PARP16: variants seen among roughly 807,000 people sequenced by gnomAD.
PARP16 encodes the protein protein mono-ADP-ribosyltransferase PARP16.
Under a neutral mutation model 35.0 loss-of-function variants are expected in PARP16, and 31 were observed. The observed-to-expected ratio is 0.88, with a 90% CI of 0.66 to 1.19. The LOEUF (loss-of-function observed/expected upper bound fraction) is 1.19. Among genes scored for constraint, PARP16 ranks in the 50% most tolerant of loss-of-function variants. The pLI is 0.00. For synonymous variants in PARP16, 162 were observed against 169.5 expected, an observed-to-expected ratio of 0.96 and a Z score of 0.34; for missense variants, 424 against 411.2, an observed-to-expected ratio of 1.03 and a Z score of -0.27.
Position 65,286,392 on chromosome 15 carries a change from G to T in PARP16, c.35C>A (p.Ala12Glu). 1 of 1,553,554 alleles carries T rather than the reference G, an allele frequency of 6.4e-7. No homozygotes were observed. Among genetic ancestry groups the T allele is most frequent in the Non-Finnish European group, 8.7e-7 (1 of 1,153,628 alleles). The change falls in exon 1 of 6, where the codon GCG (alanine) becomes GAG (glutamate). Residue 12 changes from alanine (A) to glutamate (E), a missense_variant. Transcript: ENST00000649807. The stretch of plus-strand genomic sequence containing the variant: ...GGCGGCCAGCATGTCGCGGCCCGCC[G>T]CCTCCCTGGCGGCCGCCCAGCCTGA... Reference protein sequence around the residue: ...QPSGWAAAREAAGRDMLAADL... With the variant: ...QPSGWAAAREEAGRDMLAADL...
In PARP16 at chr15:65,267,594, G is replaced by A. The variant is rs1261446767; in HGVS notation, c.313-826C>T. Reference sequence around the variant, plus strand: ...TGCACTCCAGCCTGGGCGACAGAGCGAGACTCCGTCTCAAAAAATAAATAA... The same window carrying A: ...TGCACTCCAGCCTGGGCGACAGAGCAAGACTCCGTCTCAAAAAATAAATAA... On this transcript the variant is annotated intron_variant, in intron 2 of 5. Transcript: ENST00000649807. Among the ~76,000 whole-genome samples, 14 of 139,932 alleles carry A rather than the reference G, an allele frequency of 1.0e-4. No homozygotes were observed. In the South Asian group the frequency reaches 2.4e-3, roughly 24 times the overall value. The allele number at this position is 139,932 out of a possible 152,430, so 91.8% of individuals were successfully genotyped here.
intron 3 of PARP16, among the ~76,000 whole-genome samples, chr15:65,235,524 C>A (rs2088852908): frequency 6.6e-6 from 1 of 151,502 alleles, no homozygotes. Flanking sequence ...AATTTGCCGG[C>A]CAGGCATGGT....
exon 3 of PARP16, chr15:65,248,170 T>C (rs1200782037): frequency 4.4e-6 from 2 of 456,328 alleles, no homozygotes; most frequent in Non-Finnish European, 8.8e-6. Context: ...GGCCCACCCT[T>C]TAGATGGCCA....
chr15:65,240,502 C>T (rs1011188442), intron 3 of PARP16, among the ~76,000 whole-genome samples: 1 of 152,064 alleles, frequency 6.6e-6, no homozygotes. Flanking sequence ...AAAGTACAGG[C>T]GCAAGCTGCT....
chr15:65,265,870 T>G (rs922617367), intron 3 of PARP16, among the ~76,000 whole-genome samples: 2 of 152,206 alleles, frequency 1.3e-5, no homozygotes, highest in Non-Finnish European at 2.9e-5. Context: ...CACTCGGAGA[T>G]TCTCATTTAA....
intron 3 of PARP16, among the ~76,000 whole-genome samples, chr15:65,243,693 T>C (rs1275191039): frequency 6.6e-6 from 1 of 152,020 alleles, no homozygotes. Flanking sequence ...TAGAGTTCAC[T>C]AGTGAAGGCA....
rs2089617030 is a variant in PARP16, at chr15:65,259,236, GC to G, written c.*170del. 1.5e-6 allele frequency: 1 copy of G among 676,990 alleles called. No homozygotes were observed. Among genetic ancestry groups the G allele is most frequent in the African/African-American group, 1.8e-5 (1 of 55,956 alleles). 41.9% of individuals were successfully genotyped at this position (676,990 alleles called of 1,614,324 possible). A position where few individuals can be genotyped will look rare whatever the true frequency, so the allele number is the denominator to read the frequency against. On this transcript the variant is annotated 3_prime_UTR_variant, in exon 6 of 6. Transcript: ENST00000649807. ...AGTAGTCCCCGTTGACTGGAGTATG[GC>G]TGGGAACATCATCAAAGGCAATGGA... is the stretch of plus-strand genomic sequence containing the variant.
At chr15:65,233,528 C>CAGG (rs2088809176), downstream of PARP16, among the ~76,000 whole-genome samples, 1 of 152,096 alleles carries the variant, frequency 6.6e-6, no homozygotes, top group Non-Finnish European at 1.5e-5. Flanking sequence ...CACTTGAGGC[C>CAGG]AGTTCGAGAC....
downstream of PARP16, among the ~76,000 whole-genome samples, chr15:65,253,426 G>A (rs895397489): frequency 1.1e-4 from 17 of 150,900 alleles, no homozygotes; most frequent in Non-Finnish European, 2.2e-4. Flanking sequence ...CGCCTCCCGG[G>A]TTCACGCCAT....
At chr15:65,249,137 G>C (rs1346519972) in intron 2 of PARP16, among the ~76,000 whole-genome samples, 2 of 152,244 alleles carry the variant, frequency 1.3e-5, no homozygotes, top group East Asian at 3.8e-4. Flanking sequence ...CTCTTGCTCA[G>C]AGCCCCTAGC....
At chr15:65,272,489 A>C (rs2090125677) in intron 1 of PARP16, among the ~76,000 whole-genome samples, 1 of 152,108 alleles carries the variant, frequency 6.6e-6, no homozygotes, top group Non-Finnish European at 1.5e-5. Context: ...CCTCTAGCCT[A>C]ATCTCAACCC....
intron 3 of PARP16, among the ~76,000 whole-genome samples, chr15:65,265,289 T>A (rs1452952564): frequency 6.6e-6 from 1 of 152,236 alleles, no homozygotes; most frequent in Non-Finnish European, 1.5e-5. Context: ...TCCTTGGTAC[T>A]TAGTACACAA....
At chr15:65,238,731 G>T (rs1217058861) in intron 3 of PARP16, among the ~76,000 whole-genome samples, 1 of 152,138 alleles carries the variant, frequency 6.6e-6, no homozygotes, top group East Asian at 1.9e-4. Flanking sequence ...GCAGTTTTTT[G>T]AATACCTTTA....
intron 2 of PARP16, among the ~76,000 whole-genome samples, chr15:65,269,207 T>TC (rs71136333): frequency 1.5e-3 from 234 of 150,972 alleles, no homozygotes; most frequent in Non-Finnish European, 2.4e-3. Context: ...TTTCTTTCTT[T>TC]TTTTTTTGAG....
intron 3 of PARP16, among the ~76,000 whole-genome samples, chr15:65,242,048 A>G (rs907877460): frequency 9.2e-5 from 14 of 152,242 alleles, no homozygotes; most frequent in African/African-American, 3.1e-4. Flanking sequence ...ATTTTTGTGT[A>G]TGGTGTGAAG....
At chr15:65,246,833 T>C (rs2089221792) in intron 3 of PARP16, among the ~76,000 whole-genome samples, 1 of 152,018 alleles carries the variant, frequency 6.6e-6, no homozygotes, top group Admixed American at 6.6e-5. Flanking sequence ...CCAACCACCA[T>C]AGGGCCAGAA....
chr15:65,247,266 A>G (rs994941048), intron 3 of PARP16, among the ~76,000 whole-genome samples: 5 of 152,132 alleles, frequency 3.3e-5, no homozygotes, highest in Admixed American at 2.6e-4. Flanking sequence ...AAATGCTGGG[A>G]TTACAGGCAT....
downstream of PARP16, among the ~76,000 whole-genome samples, chr15:65,255,892 G>A (rs2089493439): frequency 1.3e-5 from 2 of 152,008 alleles, no homozygotes; most frequent in African/African-American, 2.4e-5. Flanking sequence ...TTCTTCACTT[G>A]AGACATATAG....
downstream of PARP16, among the ~76,000 whole-genome samples, chr15:65,257,629 C>T (rs1289397853): frequency 1.5e-5 from 1 of 66,910 alleles, no homozygotes; most frequent in African/African-American, 6.0e-5. Flanking sequence ...GACTCTGTCT[C>T]AAAAAAAAAA....
Sources: gnomAD v4.1 joint callset for allele counts (sites outside exome capture counted in the v4.1 genomes callset) on GRCh38, gnomAD v4.1.1 for gene constraint, MANE v1.5 for transcripts, NCBI Gene and HGNC (gene_info 2026-07-23, HGNC 2026-07-21) for gene names.